Variants in SLC5A3 observed in about 807,000 individuals in gnomAD.
The protein encoded by SLC5A3 is sodium/myo-inositol cotransporter.
SLC5A3 carries 10 observed loss-of-function variants against 43.2 expected under a neutral mutation model. The observed-to-expected ratio is 0.23, with a 90% CI of 0.14 to 0.39. The LOEUF (loss-of-function observed/expected upper bound fraction) is 0.39. Among genes scored for constraint, SLC5A3 ranks in the 10% least tolerant of loss-of-function variants. The pLI is 1.00. For missense variants in SLC5A3, 608 were observed against 893.4 expected (o/e 0.68, Z 4.07); for synonymous variants, 349 against 322.0 (o/e 1.08, Z -0.90).
chr21:34,102,511 A>G lies in SLC5A3; in HGVS notation c.*5156A>G, dbSNP rs1979289956. 1 of 1,000,010 alleles carries G rather than the reference A, an allele frequency of 1.0e-6. No homozygotes were observed. The highest frequency in any genetic ancestry group is 6.2e-5 in the Admixed American group (1 of 16,248). The allele number at this position is 1,000,010 out of a possible 1,614,324, so 61.9% of individuals were successfully genotyped here. A position where few individuals can be genotyped will look rare whatever the true frequency, so the allele number is the denominator to read the frequency against. On this transcript the variant is annotated 3_prime_UTR_variant, in exon 2 of 2. Transcript: ENST00000381151. The stretch of plus-strand genomic sequence containing the variant: ...TAGTCTTTCACTCAGAAATAAACAA[A>G]AACTGTTTGGTATATCTGTATCATT...
chr21:34,089,163 G>A (rs1332109053), intron 1 of SLC5A3, among the ~76,000 whole-genome samples: 1 of 151,052 alleles, frequency 6.6e-6, no homozygotes, highest in African/African-American at 2.4e-5. Context: ...GAGTAGCTGG[G>A]ATTACAGGCG....
At chr21:34,074,372 A>C (rs1426778060) in intron 1 of SLC5A3, among the ~76,000 whole-genome samples, 1 of 152,230 alleles carries the variant, frequency 6.6e-6, no homozygotes, top group African/African-American at 2.4e-5. Context: ...CTTCAGCGAA[A>C]ATCCCGCTCC....
chr21:34,100,358 G>T lies in SLC5A3; in HGVS notation c.*3003G>T, dbSNP rs1214094874. On this transcript the variant is annotated 3_prime_UTR_variant, in exon 2 of 2. Coordinates refer to ENST00000381151, the MANE Select transcript of SLC5A3 (RefSeq NM_006933.7). Reference sequence around the variant, plus strand: ...CCCTGGTCATCTTTCAGAATATTCTGTTCTGCCACCCCCAGAGAGTAAACA... The same window carrying T: ...CCCTGGTCATCTTTCAGAATATTCTTTTCTGCCACCCCCAGAGAGTAAACA... 3 of 1,000,058 alleles carry T rather than the reference G, an allele frequency of 3.0e-6. No homozygotes were observed. In the African/African-American group the frequency reaches 5.2e-5, roughly 17 times the overall value. The allele number at this position is 1,000,058 out of a possible 1,614,324, so 61.9% of individuals were successfully genotyped here.
At position 34,098,866 on chromosome 21, in the gene SLC5A3, A is replaced by G. The variant is rs931124583; in HGVS notation, c.*1511A>G. ...CCTCCATGAAAGATGAAGGAAGCAA[A>G]TTATGTATGTACTTTCTTTGACCTT... On this transcript the variant is annotated 3_prime_UTR_variant, in exon 2 of 2. Transcript: ENST00000381151. The G allele has an allele frequency of 3.0e-6, 3 of 999,694 alleles. No homozygotes were observed. The African/African-American group carries it at 5.2e-5, about 17-fold the overall frequency. 61.9% of individuals were successfully genotyped at this position (999,694 alleles called of 1,614,324 possible).
chr21:34,094,555 CAT>C (rs1569416124), intron 1 of SLC5A3, among the ~76,000 whole-genome samples: 2 of 152,174 alleles, frequency 1.3e-5, no homozygotes, highest in East Asian at 3.9e-4. Context: ...CTAATCTGAG[CAT>C]ACCACAGTAA....
In SLC5A3 at chr21:34,103,776, T is replaced by TGA. The variant is rs1316473823; in HGVS notation, c.*6421_*6422insGA. On this transcript the variant is annotated 3_prime_UTR_variant, in exon 2 of 2. Coordinates refer to ENST00000381151, the MANE Select transcript of SLC5A3 (RefSeq NM_006933.7). ...AAGGGACCCAAAGGAATAATCTCAATAAGTTTGTACCACATTGATGGAGGG... is the reference window on the plus strand; with the variant it reads ...AAGGGACCCAAAGGAATAATCTCAATGAAAGTTTGTACCACATTGATGGAGGG... 1.0e-6 allele frequency: 1 copy of TGA among 1,000,008 alleles called. No homozygotes were observed. The highest frequency in any genetic ancestry group is 1.1e-4 in the East Asian group (1 of 8,834). 61.9% of individuals were successfully genotyped at this position (1,000,008 alleles called of 1,614,324 possible).
At chr21:34,076,615 T>C (rs1169610470) in intron 1 of SLC5A3, among the ~76,000 whole-genome samples, 1 of 152,236 alleles carries the variant, frequency 6.6e-6, no homozygotes, top group Non-Finnish European at 1.5e-5. Flanking sequence ...AAGTACCATA[T>C]AGCTTGATTT....
At chr21:34,080,632 C>G (rs1432210976) in intron 1 of SLC5A3, among the ~76,000 whole-genome samples, 4 of 152,192 alleles carry the variant, frequency 2.6e-5, no homozygotes, top group Non-Finnish European at 5.9e-5. Flanking sequence ...TTGCATGAAT[C>G]TCATCACGTC....
intron 1 of SLC5A3, among the ~76,000 whole-genome samples, chr21:34,080,597 TA>T (rs934449014): frequency 7.9e-5 from 12 of 152,232 alleles, no homozygotes; most frequent in African/African-American, 2.6e-4. Flanking sequence ...ACATTAGGAG[TA>T]TAATAGACTA....
rs1281923235 is a variant in SLC5A3, at chr21:34,102,093, T to G, written c.*4738T>G. 1 of 999,968 alleles carries G rather than the reference T, an allele frequency of 1.0e-6. No individual in the cohort carries two copies. Among genetic ancestry groups the G allele is most frequent in the Non-Finnish European group, 1.2e-6 (1 of 829,834 alleles). The allele number at this position is 999,968 out of a possible 1,614,324, so 61.9% of individuals were successfully genotyped here. ...TTGCTAGACTTGGTTAACTTAGGGC[T>G]GCAAATCTTTTTCTTCTGTCAAGGT... On this transcript the variant is annotated 3_prime_UTR_variant, in exon 2 of 2. Transcript: ENST00000381151.
Position 34,097,125 on chromosome 21 carries a change from GA to G in SLC5A3, c.1928del (p.Glu643GlyfsTer16). On this transcript the variant is annotated frameshift_variant, in exon 2 of 2. Coordinates refer to ENST00000381151, the MANE Select transcript of SLC5A3 (RefSeq NM_006933.7). LOFTEE classifies it high-confidence loss of function. ...NGQAALMGEK[E>X]RKKETDDGGR... is the part of the protein sequence containing the mutation. The stretch of plus-strand genomic sequence containing the variant: ...GCAAGCAGCTCTCATGGGTGAGAAA[GA>G]GAGAAAGAAAGAAACGGATGATGGA... 6.2e-7 allele frequency: 1 copy of G among 1,614,046 alleles called. No individual in the cohort carries two copies. The highest frequency in any genetic ancestry group is 8.5e-7 in the Non-Finnish European group (1 of 1,179,956).
intron 1 of SLC5A3, among the ~76,000 whole-genome samples, chr21:34,089,711 A>G: frequency 6.6e-6 from 1 of 152,110 alleles, no homozygotes; most frequent in East Asian, 1.9e-4. Context: ...CTGGTGGTAG[A>G]GGGTTGGGAG....
chr21:34,096,219 G>A lies in SLC5A3; in HGVS notation c.1021G>A (p.Gly341Arg). Residue 341 changes from glycine to arginine, a missense_variant, in exon 2 of 2, where the codon GGA (glycine) becomes AGA (arginine). By Grantham distance (125) the Gly-to-Arg change is moderately radical (BLOSUM62 -2). This residue lies in a region of SLC5A3 where 398 missense variants were observed against 668.6 expected (regional missense o/e 0.60). Transcript: ENST00000381151. The surrounding 1 kb of genome is among the most constrained non-coding windows in gnomAD (Gnocchi z 5.9). ...CCCAGAGCACTGCATGCTGGTGTGTGGAAGCAGAGCTGGTTGCTCCAATAT... is the reference window on the plus strand; with the variant it reads ...CCCAGAGCACTGCATGCTGGTGTGTAGAAGCAGAGCTGGTTGCTCCAATAT... Reference protein sequence around the residue: ...INPEHCMLVCGSRAGCSNIAY... With the variant: ...INPEHCMLVCRSRAGCSNIAY... 2.5e-6 allele frequency: 4 copies of A among 1,614,168 alleles called. No individual in the cohort carries two copies. Among genetic ancestry groups the A allele is most frequent in the Non-Finnish European group, 3.4e-6 (4 of 1,180,012 alleles).
Position 34,073,836 on chromosome 21 carries a change from C to A in SLC5A3, c.-337+91C>A, listed in dbSNP as rs79607614. 7.5e-6 allele frequency: 7 copies of A among 935,294 alleles called. No individual in the cohort carries two copies. The East Asian group carries it at 2.0e-4, about 27-fold the overall frequency. 57.9% of individuals were successfully genotyped at this position (935,294 alleles called of 1,614,324 possible). A position where few individuals can be genotyped will look rare whatever the true frequency, so the allele number is the denominator to read the frequency against. On this transcript the variant is annotated intron_variant, in intron 1 of 1. Coordinates refer to ENST00000381151, the MANE Select transcript of SLC5A3 (RefSeq NM_006933.7). The stretch of plus-strand genomic sequence containing the variant: ...CCCCCGCGCGCCCTGGCCGCGGGAC[C>A]CCGGGCCTTCCTGCACTCCTCGGAG...
chr21:34,098,993 T>A lies in SLC5A3; in HGVS notation c.*1638T>A. ...TTGTAGATTTTGAATCAAAACTCAG[T>A]CTTTTTAATTTTTTTGTAGTCTATA... On this transcript the variant is annotated 3_prime_UTR_variant, in exon 2 of 2. Coordinates refer to ENST00000381151, the MANE Select transcript of SLC5A3 (RefSeq NM_006933.7). 1.0e-6 allele frequency: 1 copy of A among 989,270 alleles called. No individual in the cohort carries two copies. The highest frequency in any genetic ancestry group is 1.2e-6 in the Non-Finnish European group (1 of 819,986). 61.3% of individuals were successfully genotyped at this position (989,270 alleles called of 1,614,324 possible). A position where few individuals can be genotyped will look rare whatever the true frequency, so the allele number is the denominator to read the frequency against.
chr21:34,094,237 G>A (rs975248324), intron 1 of SLC5A3, among the ~76,000 whole-genome samples: 4 of 152,090 alleles, frequency 2.6e-5, no homozygotes, highest in African/African-American at 9.7e-5. Flanking sequence ...AGGGCAGGGG[G>A]CGTCTCACAA....
chr21:34,096,848 G>C lies in SLC5A3; in HGVS notation c.1650G>C (p.Lys550Asn), dbSNP rs760014481. 6 of 1,613,942 alleles carry C rather than the reference G, an allele frequency of 3.7e-6. No individual in the cohort carries two copies. The highest frequency in any genetic ancestry group is 5.1e-6 in the Non-Finnish European group (6 of 1,180,000). Residue 550 changes from lysine (K) to asparagine (N), a missense_variant, in exon 2 of 2, where the codon AAG (lysine) becomes AAC (asparagine). Transcript: ENST00000381151. This position sits in a 1 kb window ranked among gnomAD's most constrained non-coding sequence, Gnocchi z 5.9. ...GAACCACCACCTTTTGGTCTAAGAA[G>C]AACCTGGTGGTGAAGGAGAACTGCT... ...QIRTTTFWSK[K>N]NLVVKENCSP...
At chr21:34,073,779 C>T (rs758824444) in intron 1 of SLC5A3, 34 bp downstream of exon 1, 8 of 1,446,264 alleles carry the variant, frequency 5.5e-6, no homozygotes, top group South Asian at 2.5e-5. Context: ...GGTCTTCCCG[C>T]GCGGGCGCCC....
At chr21:34,086,628 C>T (rs926867016) in intron 1 of SLC5A3, among the ~76,000 whole-genome samples, 5 of 151,902 alleles carry the variant, frequency 3.3e-5, no homozygotes, top group Non-Finnish European at 7.4e-5. Flanking sequence ...CCTTAGTGAT[C>T]CTCTCAAATG....
Sources: allele counts gnomAD v4.1 joint callset (sites outside exome capture counted in the v4.1 genomes callset), GRCh38; gene constraint gnomAD v4.1.1; regional missense constraint gnomAD v4.1.1; non-coding constraint Gnocchi (gnomAD v3.1); transcripts MANE v1.5; gene names NCBI Gene and HGNC (gene_info 2026-07-23, HGNC 2026-07-21).